TNMD: variants seen among roughly 807,000 people sequenced by gnomAD.
The protein encoded by TNMD is tenomodulin.
In TNMD, 15 loss-of-function variants were observed where a neutral mutation model predicts 26.9. The ratio of observed to expected loss-of-function variants is 0.56; its 90% confidence interval spans 0.37 to 0.86. TNMD has a LOEUF of 0.86. Among genes scored for constraint, TNMD ranks in the 40% least tolerant of loss-of-function variants. The pLI, the probability that TNMD is intolerant of heterozygous loss-of-function variation, is 0.00. For synonymous variants in TNMD, 73 were observed against 77.0 expected (o/e 0.95, Z 0.27); for missense variants, 222 against 242.6 (o/e 0.92, Z 0.56).
chrX:100,594,091 G>A (rs2082946086), intron 3 of TNMD, 56 bp downstream of exon 3: 2 of 1,121,940 alleles, frequency 1.8e-6, no homozygotes, highest in African/African-American at 1.9e-5. Context: ...GAGCAGTTGA[G>A]TCAAGTTAAA....
intron 2 of TNMD, among the ~76,000 whole-genome samples, chrX:100,588,305 GACACACACAC>G (rs772320493): frequency 9.4e-6 from 1 of 106,651 alleles, no homozygotes; most frequent in Admixed American, 1.0e-4. Flanking sequence ...CACACACACA[GACACACACAC>G]ACACACACAC....
intron 2 of TNMD, among the ~76,000 whole-genome samples, chrX:100,588,376 T>C (rs951053305): frequency 5.4e-5 from 6 of 110,920 alleles, no homozygotes; most frequent in African/African-American, 2.0e-4. Context: ...GACGACTAAC[T>C]CTGGGTGAGC....
At chrX:100,589,951 G>A (rs1016445403) in intron 2 of TNMD, among the ~76,000 whole-genome samples, 2 of 111,475 alleles carry the variant, frequency 1.8e-5, no homozygotes, top group Non-Finnish European at 3.8e-5. Flanking sequence ...ATGGGTAGGA[G>A]AAAAACTTAC....
At chrX:100,596,619 T>G (rs750665945) in intron 4 of TNMD, among the ~76,000 whole-genome samples, 2 of 111,608 alleles carry the variant, frequency 1.8e-5, no homozygotes, top group Middle Eastern at 4.6e-3. Context: ...AGCAGGTATA[T>G]AAATAGCCCT....
In TNMD at chrX:100,594,339, G is replaced by A; in HGVS notation, c.400G>A (p.Glu134Lys). 1 of 1,187,046 alleles carries A rather than the reference G, an allele frequency of 8.4e-7. No homozygotes were observed. Among genetic ancestry groups the A allele is most frequent in the Non-Finnish European group, 1.1e-6 (1 of 878,637 alleles). The stretch of plus-strand genomic sequence containing the variant: ...GATTAAAGTGATTCCTGAATTTTCT[G>A]AACCAGAAGAGGAAATAGATGAGGT... The part of the protein sequence containing the change: ...TQIKVIPEFS[E>K]PEEEIDENEE... Residue 134 changes from glutamate to lysine, a missense_variant, in exon 4 of 7, where the codon GAA (glutamate) becomes AAA (lysine). Coordinates refer to ENST00000373031, the MANE Select transcript of TNMD (RefSeq NM_022144.3).
intron 2 of TNMD, among the ~76,000 whole-genome samples, chrX:100,590,337 C>T (rs1269508426): frequency 8.9e-6 from 1 of 111,896 alleles, no homozygotes; most frequent in Non-Finnish European, 1.9e-5. Context: ...CAAACCTAAG[C>T]CAAATGTCCT....
chrX:100,595,407 G>A (rs994661758), intron 4 of TNMD, among the ~76,000 whole-genome samples: 6 of 110,098 alleles, frequency 5.4e-5, no homozygotes, highest in African/African-American at 3.3e-5. Context: ...CAGCCACCGC[G>A]CCCAGCCATG....
At chrX:100,591,296 C>G (rs1299995075) in intron 2 of TNMD, among the ~76,000 whole-genome samples, 2 of 111,838 alleles carry the variant, frequency 1.8e-5, no homozygotes, top group Non-Finnish European at 3.8e-5. Flanking sequence ...CCACTCACAC[C>G]TCTCTTCAGG....
chrX:100,595,123 G>C (rs1466614775), intron 4 of TNMD, among the ~76,000 whole-genome samples: 1 of 111,877 alleles, frequency 8.9e-6, no homozygotes, highest in East Asian at 2.8e-4. Flanking sequence ...GGTTTTATTA[G>C]TGGGAGGAGA....
intron 2 of TNMD, among the ~76,000 whole-genome samples, chrX:100,592,991 T>G (rs1167954870): frequency 8.9e-6 from 1 of 112,253 alleles, no homozygotes; most frequent in Non-Finnish European, 1.9e-5. Flanking sequence ...ACAAATTCCT[T>G]TATGCTTATT....
At chrX:100,589,300 G>T (rs1368943803) in intron 2 of TNMD, among the ~76,000 whole-genome samples, 4 of 104,916 alleles carry the variant, frequency 3.8e-5, no homozygotes, top group Non-Finnish European at 5.8e-5. Flanking sequence ...AGTTGAAGGA[G>T]TAGCCGGAAT....
chrX:100,592,848 T>C (rs1322029815), intron 2 of TNMD, among the ~76,000 whole-genome samples: 1 of 111,971 alleles, frequency 8.9e-6, no homozygotes, highest in Non-Finnish European at 1.9e-5. Flanking sequence ...TTTTTCAGGC[T>C]TTTAGTTTCC....
intron 2 of TNMD, among the ~76,000 whole-genome samples, chrX:100,592,863 T>C (rs926811121): frequency 8.9e-6 from 1 of 111,851 alleles, no homozygotes; most frequent in African/African-American, 3.3e-5. Flanking sequence ...GTTTCCCAGA[T>C]TTTTTTCATA....
intron 2 of TNMD, among the ~76,000 whole-genome samples, chrX:100,587,645 A>G (rs899722125): frequency 1.8e-5 from 2 of 112,031 alleles, no homozygotes; most frequent in Non-Finnish European, 3.8e-5. Context: ...TCAGCTGGAA[A>G]TGAGGATGCT....
At chrX:100,590,724 T>C (rs763055051) in intron 2 of TNMD, among the ~76,000 whole-genome samples, 9 of 111,692 alleles carry the variant, frequency 8.1e-5, no homozygotes, top group Non-Finnish European at 1.5e-4. Flanking sequence ...CTGGTTCTTA[T>C]AGTTAAGGCC....
At chrX:100,598,731 A>T (rs2082959886) in intron 5 of TNMD, among the ~76,000 whole-genome samples, 1 of 112,628 alleles carries the variant, frequency 8.9e-6, no homozygotes, top group Non-Finnish European at 1.9e-5. Flanking sequence ...GGAGATACAG[A>T]AGTCCCTTGT....
chrX:100,597,665 AT>A lies in TNMD; in HGVS notation c.577+10del. 8.3e-7 allele frequency: 1 copy of A among 1,198,814 alleles called. No individual in the cohort carries two copies. The highest frequency in any genetic ancestry group is 1.8e-5 in the South Asian group (1 of 56,579). On this transcript the variant is annotated intron_variant, in intron 5 of 6. Coordinates refer to ENST00000373031, the MANE Select transcript of TNMD (RefSeq NM_022144.3). ...ATCCCACTCTAATATCAGGTATGAC[AT>A]TCTTATCCTCATCCTCCTCCTATTT...
rs765377253 is a variant in TNMD at position 100,597,620 on chromosome X, C to T, written c.540C>T (p.Asn180=). The T allele has an allele frequency of 3.6e-5, 44 of 1,209,073 alleles. No homozygotes were observed. Among genetic ancestry groups the T allele is most frequent in the Non-Finnish European group, 4.4e-5 (39 of 894,348 alleles). Residue 180 remains asparagine, a synonymous_variant, in exon 5 of 7, where the codon AAC becomes AAT. Coordinates refer to ENST00000373031, the MANE Select transcript of TNMD (RefSeq NM_022144.3). ...CCAAAATTCTGGAGATTTGTGATAACGTGACCATGTATTGGATCAATCCCA... is the reference window on the plus strand; with the variant it reads ...CCAAAATTCTGGAGATTTGTGATAATGTGACCATGTATTGGATCAATCCCA... ...KNSKILEICD[N]VTMYWINPTL...
intron 2 of TNMD, among the ~76,000 whole-genome samples, chrX:100,587,321 A>G (rs1443668363): frequency 8.9e-6 from 1 of 112,313 alleles, no homozygotes; most frequent in Non-Finnish European, 1.9e-5. Context: ...TGATACCTCA[A>G]ACCAAAATAA....
Sources: gnomAD v4.1 joint callset for allele counts (sites outside exome capture counted in the v4.1 genomes callset) on GRCh38, gnomAD v4.1.1 for gene constraint, MANE v1.5 for transcripts, NCBI Gene and HGNC (gene_info 2026-07-23, HGNC 2026-07-21) for gene names.